Variants in ZNF239 observed in about 807,000 individuals in gnomAD.
ZNF239 encodes the protein zinc finger protein 239, also known as zinc finger protein (C2H2) homologous to mouse MOK-2.
Under a neutral mutation model 27.5 loss-of-function variants are expected in ZNF239, and 16 were observed. That is an observed-to-expected ratio of 0.58 (90% CI 0.39 to 0.88). ZNF239 has a LOEUF of 0.88. Among genes scored for constraint, ZNF239 ranks in the 40% least tolerant of loss-of-function variants. ZNF239 has a pLI of 0.00. For missense variants in ZNF239, 527 were observed against 551.9 expected, an observed-to-expected ratio of 0.95 and a Z score of 0.45; for synonymous variants, 199 against 192.6, an observed-to-expected ratio of 1.03 and a Z score of -0.27.
At chr10:43,573,577 A>T (rs1398320987) in intron 2 of ZNF239, 60 bp downstream of exon 2, 42 of 975,550 alleles carry the variant, frequency 4.3e-5, no homozygotes, top group Non-Finnish European at 4.9e-5. Flanking sequence ...AGAAAACAAC[A>T]CATGGCACAG....
intron 3 of ZNF239, among the ~76,000 whole-genome samples, chr10:43,561,361 A>ACAAACAAACAAG (rs1248785585): frequency 6.6e-6 from 1 of 152,062 alleles, no homozygotes; most frequent in Admixed American, 6.6e-5. Context: ...AAACAAACAA[A>ACAAACAAACAAG]CAAAGAAACA....
Position 43,557,748 on chromosome 10 carries a change from C to A in ZNF239, c.332G>T (p.Ser111Ile). The A allele has an allele frequency of 6.2e-7, 1 of 1,614,112 alleles. No individual in the cohort carries two copies. Among genetic ancestry groups the A allele is most frequent in the Middle Eastern group, 1.6e-4 (1 of 6,062 alleles). ...TTTAACTTGAAGGTTCTCTGAACAA[C>A]TTTCCCCCTTTATCACTTTTCTCTC... ...STERKVIKGE[S>I]CSENLQVKLV... Residue 111 changes from serine (S) to isoleucine (I), a missense_variant, in exon 4 of 4, where the codon AGT (serine) becomes ATT (isoleucine). Transcript: ENST00000374446.
In ZNF239 at chr10:43,557,098, A is replaced by C. The variant is rs1291880858; in HGVS notation, c.982T>G (p.Phe328Val). The C allele has an allele frequency of 1.2e-6, 2 of 1,612,040 alleles. No homozygotes were observed. The highest frequency in any genetic ancestry group is 1.7e-6 in the Non-Finnish European group (2 of 1,179,124). Reference protein sequence around the residue: ...PYECEECGMSFSQRSNLHIHQ... With the variant: ...PYECEECGMSVSQRSNLHIHQ... ...ATGTGCAGGTTTGAGCGCTGACTGAAGCTCATACCACACTCCTCACACTCA... is the reference window on the plus strand; with the variant it reads ...ATGTGCAGGTTTGAGCGCTGACTGACGCTCATACCACACTCCTCACACTCA... Residue 328 changes from phenylalanine to valine, a missense_variant, in exon 4 of 4, where the codon TTC becomes GTC. Coordinates refer to ENST00000374446, the MANE Select transcript of ZNF239 (RefSeq NM_001099282.2).
At chr10:43,573,545 C>T in intron 2 of ZNF239, 92 bp downstream of exon 2, 2 of 818,760 alleles carry the variant, frequency 2.4e-6, no homozygotes, top group Non-Finnish European at 1.5e-6. Flanking sequence ...TATAAAATAC[C>T]GTACTGGGGG....
intron 2 of ZNF239, chr10:43,568,262 A>G: frequency 1.0e-6 from 1 of 985,440 alleles, no homozygotes; most frequent in Non-Finnish European, 1.2e-6. Flanking sequence ...GTTCTCAGCT[A>G]CTGAATCTTT....
At position 43,574,600 on chromosome 10, in the gene ZNF239, C is replaced by G. The variant is rs543560747; in HGVS notation, c.-317G>C. On this transcript the variant is annotated 5_prime_UTR_variant, in exon 1 of 4. Coordinates refer to ENST00000374446, the MANE Select transcript of ZNF239 (RefSeq NM_001099282.2). ...TTCCGGATGCTGACCGCTCGCGCGCCTAGGGCCCCGAAATACAAGTCCCAG... is the reference window on the plus strand; with the variant it reads ...TTCCGGATGCTGACCGCTCGCGCGCGTAGGGCCCCGAAATACAAGTCCCAG... 6.6e-6 allele frequency: 1 copy of G among 152,404 alleles called. No homozygotes were observed. The highest frequency in any genetic ancestry group is 2.1e-4 in the South Asian group (1 of 4,836). The allele number at this position is 152,404 out of a possible 1,614,324, so 9.4% of individuals were successfully genotyped here.
chr10:43,572,537 T>C (rs1332704623), intron 2 of ZNF239, among the ~76,000 whole-genome samples: 2 of 152,236 alleles, frequency 1.3e-5, no homozygotes, highest in Admixed American at 1.3e-4. Flanking sequence ...GTTTAGTTAA[T>C]GGAGAAAGAA....
chr10:43,570,800 C>A, intron 2 of ZNF239: 3 of 967,894 alleles, frequency 3.1e-6, no homozygotes, highest in Non-Finnish European at 3.7e-6. Flanking sequence ...ATCTTCCAGT[C>A]CCTAGGTTAG....
chr10:43,573,671 T>C lies in ZNF239; in HGVS notation c.-250A>G. The stretch of plus-strand genomic sequence containing the variant: ...GGTCATTTCTTACTCCCAGAGGGGA[T>C]GGATTCCTGGAAAGGCAGAGTTAGG... On this transcript the variant is annotated 5_prime_UTR_variant, in exon 2 of 4. Transcript: ENST00000374446. 1.0e-6 allele frequency: 1 copy of C among 985,252 alleles called. No homozygotes were observed. Among genetic ancestry groups the C allele is most frequent in the Non-Finnish European group, 1.2e-6 (1 of 829,858 alleles). The allele number at this position is 985,252 out of a possible 1,614,324, so 61.0% of individuals were successfully genotyped here. A position where few individuals can be genotyped will look rare whatever the true frequency, so the allele number is the denominator to read the frequency against.
At chr10:43,570,979 A>G in intron 2 of ZNF239, 1 of 985,252 alleles carries the variant, frequency 1.0e-6, no homozygotes, top group Non-Finnish European at 1.2e-6. Flanking sequence ...AAAGGAGAAA[A>G]GGAAAGGAAA....
intron 3 of ZNF239, among the ~76,000 whole-genome samples, chr10:43,567,564 T>C (rs545898277): frequency 1.6e-4 from 24 of 152,316 alleles, no homozygotes; most frequent in Admixed American, 1.6e-3. Context: ...TGCTGTGGAT[T>C]AGCCTGGCTT....
At chr10:43,563,428 T>TA (rs1310369105) in intron 3 of ZNF239, among the ~76,000 whole-genome samples, 6 of 152,204 alleles carry the variant, frequency 3.9e-5, no homozygotes, top group Non-Finnish European at 8.8e-5. Context: ...AAAAAAGCTC[T>TA]AACACATACT....
chr10:43,565,928 C>A (rs552043374), intron 3 of ZNF239, among the ~76,000 whole-genome samples: 9 of 147,762 alleles, frequency 6.1e-5, no homozygotes, highest in Admixed American at 2.0e-4. Context: ...TCATGCATGA[C>A]AAAGAATTTC....
intron 3 of ZNF239, among the ~76,000 whole-genome samples, chr10:43,561,526 C>G (rs1837249503): frequency 6.6e-6 from 1 of 152,038 alleles, no homozygotes; most frequent in Admixed American, 6.6e-5. Flanking sequence ...TTTTACCCAG[C>G]CAATTAACCA....
chr10:43,563,896 C>A (rs1488224427), intron 3 of ZNF239, among the ~76,000 whole-genome samples: 2 of 152,066 alleles, frequency 1.3e-5, no homozygotes, highest in Admixed American at 6.6e-5. Context: ...TGGGCTCAAG[C>A]GATTCTCCCA....
At chr10:43,562,371 G>C (rs1320977356) in intron 3 of ZNF239, among the ~76,000 whole-genome samples, 1 of 152,250 alleles carries the variant, frequency 6.6e-6, no homozygotes, top group East Asian at 1.9e-4. Context: ...TTCCAACTTA[G>C]AGTTTTACTC....
intron 2 of ZNF239, chr10:43,570,123 G>T (rs1370782021): frequency 1.0e-6 from 1 of 968,974 alleles, no homozygotes; most frequent in Admixed American, 6.2e-5. Context: ...GGCTAAAGAG[G>T]CACCACTCCC....
At position 43,562,573 on chromosome 10, in the gene ZNF239, T is replaced by C. The variant is rs137889321; in HGVS notation, c.-92-4402A>G. Reference sequence around the variant, plus strand: ...TACATGAGAGAGAAAAATAACAATATGTAAACATATTGTCTGGAGTAGGAA... The same window carrying C: ...TACATGAGAGAGAAAAATAACAATACGTAAACATATTGTCTGGAGTAGGAA... On this transcript the variant is annotated intron_variant, in intron 3 of 3. Transcript: ENST00000374446. Among the ~76,000 whole-genome samples, 994 of 152,316 alleles carry C rather than the reference T, an allele frequency of 6.5e-3. 10 individuals carry two copies. The highest frequency in any genetic ancestry group is 0.023 in the African/African-American group (946 of 41,548).
At chr10:43,563,080 C>T (rs903739277) in intron 3 of ZNF239, among the ~76,000 whole-genome samples, 1 of 152,076 alleles carries the variant, frequency 6.6e-6, no homozygotes, top group South Asian at 2.1e-4. Context: ...TTTGGGAGGC[C>T]GAGGTGGGTG....
Sources: allele counts gnomAD v4.1 joint callset (sites outside exome capture counted in the v4.1 genomes callset), GRCh38; gene constraint gnomAD v4.1.1; transcripts MANE v1.5; gene names NCBI Gene and HGNC (gene_info 2026-07-23, HGNC 2026-07-21).